SLX4IP: variants seen among roughly 807,000 people sequenced by gnomAD.
SLX4IP encodes SLX4 interacting protein, also known as protein SLX4IP.
SLX4IP carries 34 observed loss-of-function variants against 32.9 expected under a neutral mutation model. The ratio of observed to expected loss-of-function variants is 1.03; its 90% CI spans 0.79 to 1.38. SLX4IP has a LOEUF of 1.38. SLX4IP is among the 40% of genes most tolerant of loss of function. The probability of loss-of-function intolerance (pLI) is 0.00; values close to 1 mark genes in which losing one functional copy is unlikely to be tolerated. For missense variants in SLX4IP, 444 were observed against 479.0 expected (o/e 0.93, Z 0.68); for synonymous variants, 172 against 171.7 (o/e 1.00, Z -0.01).
intron 2 of SLX4IP, among the ~76,000 whole-genome samples, chr20:10,512,274 T>G (rs531555176): frequency 6.6e-6 from 1 of 152,212 alleles, no homozygotes; most frequent in Non-Finnish European, 1.5e-5. Flanking sequence ...TTCTTGATAA[T>G]GAGAAAGAAT....
chr20:10,478,303 A>C (rs1311282832), intron 2 of SLX4IP, among the ~76,000 whole-genome samples: 1 of 152,226 alleles, frequency 6.6e-6, no homozygotes, highest in African/African-American at 2.4e-5. Context: ...TTTCCTATTT[A>C]GTTCAGTAGG....
At chr20:10,482,348 G>T (rs2065530380) in intron 2 of SLX4IP, among the ~76,000 whole-genome samples, 2 of 152,068 alleles carry the variant, frequency 1.3e-5, no homozygotes, top group South Asian at 4.2e-4. Flanking sequence ...ATTTAATCGT[G>T]GTCTTATGCG....
At chr20:10,459,982 G>T (rs1017034116) in intron 2 of SLX4IP, among the ~76,000 whole-genome samples, 1 of 152,096 alleles carries the variant, frequency 6.6e-6, no homozygotes, top group Non-Finnish European at 1.5e-5. Context: ...TAATATTATA[G>T]CTCTGTCTTA....
At chr20:10,593,086 A>G (rs1396512567) in intron 4 of SLX4IP, among the ~76,000 whole-genome samples, 1 of 152,184 alleles carries the variant, frequency 6.6e-6, no homozygotes, top group Non-Finnish European at 1.5e-5. Flanking sequence ...GGAAACAGTC[A>G]CATGTCTGAA....
At position 10,627,572 on chromosome 20, in the gene SLX4IP, G is replaced by A. The variant is rs1471180554; in HGVS notation, c.*4193G>A. The A allele has an allele frequency of 2.6e-5, 4 of 152,186 alleles. No homozygotes were observed. The highest frequency in any genetic ancestry group is 9.7e-5 in the African/African-American group (4 of 41,438). The allele number at this position is 152,186 out of a possible 1,614,324, so 9.4% of individuals were successfully genotyped here. A position where few individuals can be genotyped will look rare whatever the true frequency, so the allele number is the denominator to read the frequency against. On this transcript the variant is annotated 3_prime_UTR_variant, in exon 8 of 8. Coordinates refer to ENST00000334534, the MANE Select transcript of SLX4IP (RefSeq NM_001009608.3). ...AGACAGGGAACAAATATGTGTCAAT[G>A]TGCAGCTTAACAGAGGGGACTTGAA...
rs529807689 is a variant in SLX4IP at position 10,452,432 on chromosome 20, G to A, written c.-29-5744G>A. The stretch of plus-strand genomic sequence containing the variant: ...TGTAATCCCAGCACTTTGGGAGGCC[G>A]AGGTGGGCGGATCACCTGAGGTCAG... On this transcript the variant is annotated intron_variant, in intron 1 of 7. Transcript: ENST00000334534. 5.9e-5 allele frequency among the ~76,000 whole-genome samples: 9 copies of A among 152,106 alleles called. No homozygotes were observed. The South Asian group carries it at 8.3e-4, about 14-fold the overall frequency.
intron 7 of SLX4IP, among the ~76,000 whole-genome samples, chr20:10,622,397 G>A (rs1424195980): frequency 6.6e-6 from 1 of 152,174 alleles, no homozygotes; most frequent in Non-Finnish European, 1.5e-5. Context: ...GTTAAAATGT[G>A]AACGCCATCA....
chr20:10,561,332 T>A (rs1450500270), intron 4 of SLX4IP, among the ~76,000 whole-genome samples: 1 of 152,046 alleles, frequency 6.6e-6, no homozygotes, highest in African/African-American at 2.4e-5. Context: ...GAACTTACTC[T>A]AGTGGTAGTC....
intron 2 of SLX4IP, among the ~76,000 whole-genome samples, chr20:10,508,667 T>G (rs2065779696): frequency 6.6e-6 from 1 of 152,194 alleles, no homozygotes; most frequent in African/African-American, 2.4e-5. Context: ...TAGAAACTCT[T>G]CTGCCTGCTT....
intron 2 of SLX4IP, among the ~76,000 whole-genome samples, chr20:10,527,088 T>G (rs2065946197): frequency 6.6e-6 from 1 of 152,246 alleles, no homozygotes; most frequent in Admixed American, 6.5e-5. Flanking sequence ...CTGGCTGTAA[T>G]GATCACATAC....
chr20:10,608,190 G>A (rs2066926046), intron 6 of SLX4IP, among the ~76,000 whole-genome samples: 1 of 152,164 alleles, frequency 6.6e-6, no homozygotes, highest in Non-Finnish European at 1.5e-5. Flanking sequence ...AGGGATTTGA[G>A]TTAAAATGTA....
At chr20:10,582,693 G>A (rs902409219) in intron 4 of SLX4IP, among the ~76,000 whole-genome samples, 1 of 152,160 alleles carries the variant, frequency 6.6e-6, no homozygotes, top group African/African-American at 2.4e-5. Flanking sequence ...AGGAAGATAA[G>A]AGCTTTACAA....
chr20:10,523,951 G>A (rs1444027214), intron 2 of SLX4IP, among the ~76,000 whole-genome samples: 1 of 152,254 alleles, frequency 6.6e-6, no homozygotes, highest in Non-Finnish European at 1.5e-5. Context: ...GGAGGAGGCA[G>A]TGATGTTTGG....
intron 6 of SLX4IP, among the ~76,000 whole-genome samples, chr20:10,605,174 T>C (rs956187438): frequency 6.6e-6 from 1 of 152,234 alleles, no homozygotes; most frequent in African/African-American, 2.4e-5. Flanking sequence ...TGTATATATC[T>C]GGGACATTTC....
intron 2 of SLX4IP, among the ~76,000 whole-genome samples, chr20:10,500,387 C>T (rs1009130600): frequency 2.2e-4 from 34 of 151,858 alleles, no homozygotes; most frequent in Admixed American, 1.7e-3. Flanking sequence ...CCTTGGCCTC[C>T]GAAAGTGCTT....
At chr20:10,536,792 A>G (rs1423283095) in intron 2 of SLX4IP, among the ~76,000 whole-genome samples, 1 of 152,244 alleles carries the variant, frequency 6.6e-6, no homozygotes, top group Non-Finnish European at 1.5e-5. Flanking sequence ...AAATGTTGTA[A>G]TGTATACTCA....
intron 2 of SLX4IP, among the ~76,000 whole-genome samples, chr20:10,501,909 A>G (rs570259912): frequency 6.6e-5 from 10 of 152,228 alleles, no homozygotes; most frequent in Non-Finnish European, 1.3e-4. Flanking sequence ...TTGAATGCCT[A>G]TGTAAAAATG....
At chr20:10,442,212 T>G (rs1182004534) in intron 1 of SLX4IP, among the ~76,000 whole-genome samples, 1 of 152,224 alleles carries the variant, frequency 6.6e-6, no homozygotes, top group Non-Finnish European at 1.5e-5. Flanking sequence ...AATGTGAATT[T>G]CAGAGTGCCT....
intron 2 of SLX4IP, among the ~76,000 whole-genome samples, chr20:10,532,017 A>G (rs1328964187): frequency 6.6e-6 from 1 of 152,174 alleles, no homozygotes; most frequent in East Asian, 1.9e-4. Flanking sequence ...CTGACATCAC[A>G]TCCCTGACAT....
Sources: allele counts gnomAD v4.1 joint callset (sites outside exome capture counted in the v4.1 genomes callset), GRCh38; gene constraint gnomAD v4.1.1; transcripts MANE v1.5; gene names NCBI Gene and HGNC (gene_info 2026-07-23, HGNC 2026-07-21).